Variants in CSMD1 observed in about 807,000 individuals in gnomAD.
CSMD1 encodes the protein CUB and Sushi multiple domains 1.
CSMD1 carries 213 observed loss-of-function variants against 417.5 expected under a neutral mutation model. The ratio of observed to expected loss-of-function variants is 0.51; its 90% CI spans 0.46 to 0.57. The LOEUF is 0.57. Among genes scored for constraint, CSMD1 ranks in the 20% least tolerant of loss-of-function variants. CSMD1 has a pLI of 0.00. For missense variants in CSMD1, 6,923 were observed against 4,529.7 expected, an observed-to-expected ratio of 1.53 and a Z score of -15.17; for synonymous variants, 2,862 against 1,736.8, an observed-to-expected ratio of 1.65 and a Z score of -16.11.
Position 3,556,392 on chromosome 8 carries a change from A to AATATATATATATAT in CSMD1, c.1344+18539_1344+18552dup, listed in dbSNP as rs367650533. ...AAGATTTTTAAAATTTATAATAATTAATATATATATATATATATATATTCA... is the reference window on the plus strand; with the variant it reads ...AAGATTTTTAAAATTTATAATAATTAATATATATATATATATATATATATATATATATATATTCA... On this transcript the variant is annotated intron_variant, in intron 10 of 69. Coordinates refer to ENST00000635120, the MANE Select transcript of CSMD1 (RefSeq NM_033225.6). Among the ~76,000 whole-genome samples the AATATATATATATAT allele has an allele frequency of 6.0e-3, 720 of 120,396 alleles. 8 individuals carry two copies. Among genetic ancestry groups the AATATATATATATAT allele is most frequent in the African/African-American group, 0.014 (426 of 30,394 alleles). 79.0% of individuals were successfully genotyped at this position (120,396 alleles called of 152,430 possible). A position where few individuals can be genotyped will look rare whatever the true frequency, so the allele number is the denominator to read the frequency against.
At chr8:4,857,264 G>A (rs975049408) in intron 1 of CSMD1, among the ~76,000 whole-genome samples, 4 of 146,206 alleles carry the variant, frequency 2.7e-5, no homozygotes, top group African/African-American at 7.5e-5. Context: ...CGCATTCAAA[G>A]CAGTGTGTAG....
At chr8:4,653,244 C>T (rs1325704790) in intron 1 of CSMD1, among the ~76,000 whole-genome samples, 2 of 152,066 alleles carry the variant, frequency 1.3e-5, no homozygotes, top group Non-Finnish European at 2.9e-5. Context: ...ACAAATCGGG[C>T]TCCTATAAAG....
At chr8:3,310,109 G>A (rs1805208120) in intron 23 of CSMD1, among the ~76,000 whole-genome samples, 2 of 152,194 alleles carry the variant, frequency 1.3e-5, no homozygotes, top group Admixed American at 6.5e-5. Flanking sequence ...CAAAGGGGAG[G>A]TAGAAATTAG....
chr8:4,185,182 A>C (rs1484302454), intron 3 of CSMD1, among the ~76,000 whole-genome samples: 2 of 151,794 alleles, frequency 1.3e-5, no homozygotes, highest in African/African-American at 4.8e-5. Context: ...GAAAAAACCA[A>C]AAAGAAACAC....
At chr8:4,189,256 A>C (rs897874040) in intron 3 of CSMD1, among the ~76,000 whole-genome samples, 1 of 152,190 alleles carries the variant, frequency 6.6e-6, no homozygotes, top group African/African-American at 2.4e-5. Context: ...ACCTTTGCCC[A>C]TCTGTAGAGA....
At chr8:4,350,395 C>T (rs1015634103) in intron 3 of CSMD1, among the ~76,000 whole-genome samples, 1 of 152,162 alleles carries the variant, frequency 6.6e-6, no homozygotes, top group Non-Finnish European at 1.5e-5. Context: ...ATGAAATGCA[C>T]AGCTATGATA....
chr8:4,219,181 G>C (rs184993055), intron 3 of CSMD1, among the ~76,000 whole-genome samples: 1 of 151,984 alleles, frequency 6.6e-6, no homozygotes, highest in Admixed American at 6.6e-5. Flanking sequence ...CTCCCCTCCC[G>C]TGTTCTGCAG....
At chr8:4,369,652 A>C (rs1045244960) in intron 3 of CSMD1, among the ~76,000 whole-genome samples, 8 of 152,150 alleles carry the variant, frequency 5.3e-5, no homozygotes, top group Admixed American at 2.6e-4. Context: ...TACTTAAAAT[A>C]GTTGTCTTCT....
chr8:3,754,064 A>G, intron 5 of CSMD1, 22 bp from the exon 6 acceptor site: 9 of 1,540,840 alleles, frequency 5.8e-6, no homozygotes, highest in Non-Finnish European at 8.1e-6. Flanking sequence ...AAAGAGGAAA[A>G]AAATCTCCCT....
chr8:4,035,047 C>G (rs1488369929), intron 3 of CSMD1, among the ~76,000 whole-genome samples: 1 of 152,094 alleles, frequency 6.6e-6, no homozygotes, highest in Non-Finnish European at 1.5e-5. Context: ...ATGAATAATG[C>G]AAATGATTAT....
chr8:3,944,642 C>A (rs115543342), intron 5 of CSMD1, among the ~76,000 whole-genome samples: 4 of 152,134 alleles, frequency 2.6e-5, no homozygotes, highest in Admixed American at 2.0e-4. Flanking sequence ...TCCTTTATAA[C>A]TGGTGGATTC....
chr8:4,345,633 C>T (rs1040284911), intron 3 of CSMD1, among the ~76,000 whole-genome samples: 6 of 152,206 alleles, frequency 3.9e-5, no homozygotes, highest in Admixed American at 2.6e-4. Flanking sequence ...AAAATAATTA[C>T]TGAAACACGG....
At chr8:3,220,220 T>C (rs1025665909) in intron 28 of CSMD1, among the ~76,000 whole-genome samples, 1 of 151,264 alleles carries the variant, frequency 6.6e-6, no homozygotes, top group Non-Finnish European at 1.5e-5. Context: ...ATGCCCAGAG[T>C]GTAACCTTTC....
intron 5 of CSMD1, among the ~76,000 whole-genome samples, chr8:3,849,453 C>T (rs1403440113): frequency 1.3e-5 from 2 of 152,110 alleles, no homozygotes; most frequent in Admixed American, 1.3e-4. Context: ...CTCCTTCTGG[C>T]GGTTACTCCT....
chr8:4,405,022 G>T (rs889707363), intron 3 of CSMD1, among the ~76,000 whole-genome samples: 3 of 152,192 alleles, frequency 2.0e-5, no homozygotes, highest in African/African-American at 7.2e-5. Flanking sequence ...ATAAAACTGA[G>T]GTTTAAACTA....
intron 3 of CSMD1, among the ~76,000 whole-genome samples, chr8:4,176,367 C>T (rs1714786): frequency 0.98 from 149,557 of 152,200 alleles, 73,540 homozygotes; most frequent in Middle Eastern, 1. Flanking sequence ...TGACAACAAT[C>T]TACACTCTTA....
chr8:3,705,115 G>A (rs1001719165), intron 7 of CSMD1, among the ~76,000 whole-genome samples: 1 of 152,238 alleles, frequency 6.6e-6, no homozygotes, highest in African/African-American at 2.4e-5. Context: ...CAAAGGCTCT[G>A]TTTGCAAAAG....
intron 3 of CSMD1, among the ~76,000 whole-genome samples, chr8:4,253,937 G>C (rs55758886): frequency 1.3e-5 from 1 of 76,276 alleles, no homozygotes; most frequent in Non-Finnish European, 2.4e-5. Context: ...TTTTTTTTGA[G>C]ATGGAGTCTT....
chr8:4,860,111 G>C (rs1802037969), intron 1 of CSMD1, among the ~76,000 whole-genome samples: 1 of 151,764 alleles, frequency 6.6e-6, no homozygotes, highest in African/African-American at 2.4e-5. Flanking sequence ...GTCCTTTGTA[G>C]GGACATGGAT....
Sources: gnomAD v4.1 joint callset for allele counts (sites outside exome capture counted in the v4.1 genomes callset) on GRCh38, gnomAD v4.1.1 for gene constraint, MANE v1.5 for transcripts, NCBI Gene and HGNC (gene_info 2026-07-23, HGNC 2026-07-21) for gene names.